The following TNNI3K variants were observed in gnomAD, a reference collection of about 807,000 sequenced individuals.
TNNI3K encodes TNNI3 interacting kinase.
In TNNI3K, 140 loss-of-function variants were observed where a neutral mutation model predicts 114.5. The observed-to-expected ratio is 1.22, with a 90% CI of 1.07 to 1.41. The LOEUF (loss-of-function observed/expected upper bound fraction) is 1.41. TNNI3K is among the 40% of genes most tolerant of loss of function. TNNI3K has a pLI of 0.00. For synonymous variants in TNNI3K, 347 were observed against 347.5 expected (o/e 1.00, Z 0.02); for missense variants, 1,125 against 1,007.6 (o/e 1.12, Z -1.58).
intron 2 of TNNI3K, among the ~76,000 whole-genome samples, chr1:74,242,158 T>C (rs1300473281): frequency 6.6e-6 from 1 of 152,112 alleles, no homozygotes; most frequent in African/African-American, 2.4e-5. Context: ...CCAGAAAAGT[T>C]GTAATTTTTA....
At chr1:74,448,286 A>G (rs1666802798) in intron 20 of TNNI3K, among the ~76,000 whole-genome samples, 1 of 144,626 alleles carries the variant, frequency 6.9e-6, no homozygotes, top group Non-Finnish European at 1.5e-5. Flanking sequence ...AAAAAAAAGA[A>G]TGCTTGTGAT....
chr1:74,259,828 A>G (rs2100868791), intron 4 of TNNI3K, among the ~76,000 whole-genome samples: 1 of 152,204 alleles, frequency 6.6e-6, no homozygotes, highest in Non-Finnish European at 1.5e-5. Flanking sequence ...ACCCTCACAG[A>G]CACCCAGAAA....
intron 20 of TNNI3K, among the ~76,000 whole-genome samples, chr1:74,451,683 TTTTC>T (rs1158598409): frequency 0.022 from 1,640 of 75,584 alleles, 39 homozygotes; most frequent in Non-Finnish European, 0.023. Context: ...TTTTCTTTTC[TTTTC>T]TTTCTTTCTT....
intron 21 of TNNI3K, chr1:74,464,995 A>G: frequency 4.2e-6 from 5 of 1,181,670 alleles, no homozygotes; most frequent in Non-Finnish European, 5.2e-6. Flanking sequence ...TGAAAATTAC[A>G]TCACATAAAA....
intron 9 of TNNI3K, among the ~76,000 whole-genome samples, chr1:74,351,864 T>G (rs1661366788): frequency 6.6e-6 from 1 of 152,190 alleles, no homozygotes; most frequent in Admixed American, 6.5e-5. Flanking sequence ...AGTTATCCAT[T>G]TGTCTAATTT....
intron 5 of TNNI3K, among the ~76,000 whole-genome samples, chr1:74,295,302 T>A (rs1412659388): frequency 6.6e-6 from 1 of 152,188 alleles, no homozygotes; most frequent in African/African-American, 2.4e-5. Flanking sequence ...TTTTGGCAAA[T>A]GTTCTCTGCA....
chr1:74,284,052 T>G (rs534253607), intron 5 of TNNI3K, among the ~76,000 whole-genome samples: 118 of 152,298 alleles, frequency 7.7e-4, no homozygotes, highest in Non-Finnish European at 5.0e-4. Flanking sequence ...GAGCTCACTA[T>G]GTCTCAGGAA....
chr1:74,336,835 G>A (rs1284302398), intron 7 of TNNI3K, among the ~76,000 whole-genome samples: 1 of 152,048 alleles, frequency 6.6e-6, no homozygotes, highest in Non-Finnish European at 1.5e-5. Context: ...CTTTATAGCA[G>A]CATGATTTAT....
At chr1:74,249,435 T>A (rs202177393) in intron 2 of TNNI3K, 24 bp from the exon 3 acceptor site, 214 of 1,597,306 alleles carry the variant, frequency 1.3e-4, no homozygotes, top group Non-Finnish European at 1.8e-4. Flanking sequence ...AATTTTGTGA[T>A]CATCTGTAAC....
chr1:74,346,688 ATTTG>A (rs1661014591), intron 9 of TNNI3K, among the ~76,000 whole-genome samples: 1 of 149,584 alleles, frequency 6.7e-6, no homozygotes, highest in Non-Finnish European at 1.5e-5. Flanking sequence ...TCAGGGCTGC[ATTTG>A]TTTGTTAGGA....
intron 23 of TNNI3K, among the ~76,000 whole-genome samples, chr1:74,516,344 A>T (rs1029286567): frequency 1.3e-5 from 2 of 152,212 alleles, no homozygotes; most frequent in African/African-American, 2.4e-5. Context: ...ATGTTGCTAA[A>T]TGATGAAAAT....
chr1:74,347,550 A>G (rs1456355339), intron 9 of TNNI3K, among the ~76,000 whole-genome samples: 3 of 152,106 alleles, frequency 2.0e-5, no homozygotes, highest in Non-Finnish European at 2.9e-5. Context: ...GGTATTGCTA[A>G]TTCTAGATCC....
chr1:74,274,247 T>G (rs2100899975), intron 5 of TNNI3K, among the ~76,000 whole-genome samples: 1 of 152,066 alleles, frequency 6.6e-6, no homozygotes, highest in African/African-American at 2.4e-5. Flanking sequence ...TGGATAATCA[T>G]AAAGGTCTTC....
chr1:74,511,292 A>T (rs1193495184), intron 23 of TNNI3K, among the ~76,000 whole-genome samples: 2 of 151,836 alleles, frequency 1.3e-5, no homozygotes, highest in Non-Finnish European at 2.9e-5. Context: ...TCCCGGGTTC[A>T]AGCAATTCTC....
rs1666285287 is a variant in TNNI3K at position 74,439,566 on chromosome 1, CTCTGTG to C, written c.1962_1967del (p.Cys654_Leu655del). 6.2e-7 allele frequency: 1 copy of C among 1,613,448 alleles called. No homozygotes were observed. Among genetic ancestry groups the C allele is most frequent in the African/African-American group, 1.3e-5 (1 of 74,862 alleles). On this transcript the variant is annotated inframe_deletion, in exon 20 of 25. Coordinates refer to ENST00000326637, the MANE Select transcript of TNNI3K (RefSeq NM_015978.3). The stretch of plus-strand genomic sequence containing the variant: ...ATCAAAGCAGATGTCTTCAGCTATG[CTCTGTG>C]TCTGTGGGAAATTCTCACTGGCGAA...
intron 4 of TNNI3K, among the ~76,000 whole-genome samples, chr1:74,266,174 A>C (rs1334872218): frequency 6.6e-6 from 1 of 151,976 alleles, no homozygotes; most frequent in Admixed American, 6.6e-5. Context: ...AATGTGAATG[A>C]ATGGGTTTAT....
intron 23 of TNNI3K, among the ~76,000 whole-genome samples, chr1:74,527,294 G>A (rs77352892): frequency 0.012 from 1,896 of 152,210 alleles, 41 homozygotes; most frequent in African/African-American, 0.044. Flanking sequence ...AAGAATCAGA[G>A]TAAACAGACA....
intron 9 of TNNI3K, among the ~76,000 whole-genome samples, chr1:74,351,176 T>C (rs1661316369): frequency 6.6e-6 from 1 of 152,094 alleles, no homozygotes; most frequent in Non-Finnish European, 1.5e-5. Context: ...TGACAAAATC[T>C]CTCAGTATTT....
intron 17 of TNNI3K, among the ~76,000 whole-genome samples, chr1:74,432,854 A>G (rs1483602108): frequency 1.3e-5 from 2 of 152,024 alleles, no homozygotes; most frequent in Non-Finnish European, 2.9e-5. Context: ...AGCTTCTCCT[A>G]AAACAGGAAA....
Sources: gnomAD v4.1 joint callset for allele counts (sites outside exome capture counted in the v4.1 genomes callset) on GRCh38, gnomAD v4.1.1 for gene constraint, MANE v1.5 for transcripts, NCBI Gene and HGNC (gene_info 2026-07-23, HGNC 2026-07-21) for gene names.